CFI: variants seen among roughly 807,000 people sequenced by gnomAD.
CFI encodes the protein C3B/C4B inactivator.
Under a neutral mutation model 78.8 loss-of-function variants are expected in CFI, and 66 were observed. The observed-to-expected ratio is 0.84, with a 90% CI of 0.69 to 1.03. CFI has a LOEUF of 1.03. Among genes scored for constraint, CFI ranks in the 50% least tolerant of loss-of-function variants. The pLI, the probability that CFI is intolerant of heterozygous loss-of-function variation, is 0.00. For missense variants in CFI, 706 were observed against 704.5 expected (o/e 1.00, Z -0.02); for synonymous variants, 250 against 232.6 (o/e 1.07, Z -0.68).
chr4:109,766,874 G>C (rs1371555570), intron 1 of CFI, 50 bp from the exon 2 acceptor site: 2 of 1,583,890 alleles, frequency 1.3e-6, no homozygotes, highest in Non-Finnish European at 1.7e-6. Context: ...AAAGACTCCT[G>C]TTTGAAGATG....
At chr4:109,790,380 C>T (rs1459328596) in intron 1 of CFI, among the ~76,000 whole-genome samples, 1 of 151,964 alleles carries the variant, frequency 6.6e-6, no homozygotes, top group African/African-American at 2.4e-5. Context: ...AGAAGATATG[C>T]TTCTTAAGTT....
At chr4:109,759,629 G>A (rs1726773198) in intron 6 of CFI, among the ~76,000 whole-genome samples, 1 of 152,160 alleles carries the variant, frequency 6.6e-6, no homozygotes, top group Non-Finnish European at 1.5e-5. Context: ...CAGGCCAGGT[G>A]TGGTGGCTTA....
chr4:109,738,705 A>G (rs113743146), downstream of CFI, among the ~76,000 whole-genome samples: 205 of 152,206 alleles, frequency 1.3e-3, no homozygotes, highest in Middle Eastern at 3.4e-3. Context: ...CTGCCATGTT[A>G]AGAGCCCATG....
Position 109,750,154 on chromosome 4 carries a change from G to C in CFI, c.941-552C>G, listed in dbSNP as rs189137478. 5.9e-5 allele frequency among the ~76,000 whole-genome samples: 9 copies of C among 151,600 alleles called. No individual in the cohort carries two copies. In the East Asian group the frequency reaches 1.4e-3, roughly 23 times the overall value. ...TGGGATTACAGGCGCCCACCCCCAC[G>C]CCCAGCTAATTTTTGTTTTTTTAGT... On this transcript the variant is annotated intron_variant, in intron 8 of 12. Coordinates refer to ENST00000394634, the MANE Select transcript of CFI (RefSeq NM_000204.5).
At chr4:109,774,415 G>A (rs1439490593) in intron 1 of CFI, among the ~76,000 whole-genome samples, 1 of 152,088 alleles carries the variant, frequency 6.6e-6, no homozygotes, top group Non-Finnish European at 1.5e-5. Context: ...AGCAAGCTAT[G>A]CAGCTCTCTA....
chr4:109,744,167 T>C (rs553487924), intron 11 of CFI, among the ~76,000 whole-genome samples: 1 of 152,212 alleles, frequency 6.6e-6, no homozygotes, highest in African/African-American at 2.4e-5. Context: ...GTTTGGATCT[T>C]GATTCAAATA....
intron 1 of CFI, among the ~76,000 whole-genome samples, chr4:109,783,220 C>G (rs1461465499): frequency 2.0e-5 from 3 of 152,092 alleles, no homozygotes; most frequent in Non-Finnish European, 4.4e-5. Context: ...GCAAAAGGAA[C>G]AGTCAGCAGA....
rs4260544 is a variant in CFI, at chr4:109,776,853, T to C, written c.58-10029A>G. Among the ~76,000 whole-genome samples, 1,427 of 152,324 alleles carry C rather than the reference T, an allele frequency of 9.4e-3. 64 individuals carry two copies. In the East Asian group the frequency reaches 0.13, roughly 13 times the overall value. On this transcript the variant is annotated intron_variant, in intron 1 of 12. Transcript: ENST00000394634. ...AAAGAAAAGAATTTTCAACCCAGAATTTCATATCAAGACAAACTAAGCTTC... is the reference window on the plus strand; with the variant it reads ...AAAGAAAAGAATTTTCAACCCAGAACTTCATATCAAGACAAACTAAGCTTC...
chr4:109,760,507 C>G lies in CFI; in HGVS notation c.772+16G>C, dbSNP rs759244323. On this transcript the variant is annotated intron_variant, in intron 5 of 12. Coordinates refer to ENST00000394634, the MANE Select transcript of CFI (RefSeq NM_000204.5). ...AAAATGAATTTAGAGGATTTAGAGG[C>G]TAGATTTATGTCTACCTTTACAACA... 4.0e-6 allele frequency: 6 copies of G among 1,511,364 alleles called. No individual in the cohort carries two copies. The highest frequency in any genetic ancestry group is 1.7e-5 in the Admixed American group (1 of 59,884). The allele number at this position is 1,511,364 out of a possible 1,614,324, so 93.6% of individuals were successfully genotyped here. A position where few individuals can be genotyped will look rare whatever the true frequency, so the allele number is the denominator to read the frequency against.
intron 11 of CFI, among the ~76,000 whole-genome samples, chr4:109,744,121 A>G (rs1724139365): frequency 1.3e-5 from 2 of 152,234 alleles, no homozygotes; most frequent in African/African-American, 2.4e-5. Flanking sequence ...TAAAACATTT[A>G]AGAAAAATAA....
In CFI at chr4:109,740,993, C is replaced by T; in HGVS notation, c.1652G>A (p.Gly551Glu). ...WGVVSWGENC[G>E]KPEFPGVYTK... ...GTAAACACCTGGGAACTCTGGTTTT[C>T]CACAGTTTTCCCCCCAACTCACAAC... Residue 551 changes from glycine (G) to glutamate (E), a missense_variant, in exon 13 of 13, where the codon GGA becomes GAA. Physicochemically the swap from Gly to Glu is moderately conservative, Grantham distance 98. Coordinates refer to ENST00000394634, the MANE Select transcript of CFI (RefSeq NM_000204.5). 1 of 1,614,168 alleles carries T rather than the reference C, an allele frequency of 6.2e-7. No individual in the cohort carries two copies. The highest frequency in any genetic ancestry group is 1.1e-5 in the South Asian group (1 of 91,088).
At chr4:109,765,773 C>A (rs1403534330) in intron 2 of CFI, among the ~76,000 whole-genome samples, 4 of 134,838 alleles carry the variant, frequency 3.0e-5, no homozygotes, top group African/African-American at 1.2e-4. Context: ...TATTTAGGAA[C>A]AATGGGGTCA....
chr4:109,765,221 TC>T (rs1362815361), intron 2 of CFI, among the ~76,000 whole-genome samples: 1 of 152,218 alleles, frequency 6.6e-6, no homozygotes, highest in Non-Finnish European at 1.5e-5. Flanking sequence ...GCTTTTCCCC[TC>T]CTTTTCCACA....
At chr4:109,760,497 G>T (rs1579216624) in intron 5 of CFI, 26 bp downstream of exon 5, 4 of 1,489,676 alleles carry the variant, frequency 2.7e-6, no homozygotes, top group Non-Finnish European at 3.8e-6. Flanking sequence ...GAATTTAGAG[G>T]ATTTAGAGGC....
At chr4:109,756,895 AAG>A (rs1491134950) in intron 7 of CFI, among the ~76,000 whole-genome samples, 2 of 24,676 alleles carry the variant, frequency 8.1e-5, no homozygotes, top group South Asian at 2.4e-3. Context: ...AAAGGAAAGA[AAG>A]AAAGAAAGAA....
intron 1 of CFI, among the ~76,000 whole-genome samples, chr4:109,796,995 T>C (rs1450815085): frequency 6.6e-6 from 1 of 152,230 alleles, no homozygotes; most frequent in Non-Finnish European, 1.5e-5. Flanking sequence ...ATGTTTATAC[T>C]ATTACAAATA....
chr4:109,751,941 G>A (rs1725193658), intron 8 of CFI, among the ~76,000 whole-genome samples: 2 of 152,144 alleles, frequency 1.3e-5, no homozygotes, highest in African/African-American at 4.8e-5. Context: ...TTTAACGTAA[G>A]TCTGTCTGAC....
chr4:109,756,463 G>A lies in CFI; in HGVS notation c.904+1300C>T, dbSNP rs962364415. Among the ~76,000 whole-genome samples the A allele has an allele frequency of 4.0e-5, 6 of 151,570 alleles. No individual in the cohort carries two copies. The South Asian group carries it at 1.3e-3, about 32-fold the overall frequency. ...AGAAGGAGGAGGAGGAGGAAGAGGA[G>A]GAGGAGGAACAGCAGCTTCAGAGGG... On this transcript the variant is annotated intron_variant, in intron 7 of 12. Coordinates refer to ENST00000394634, the MANE Select transcript of CFI (RefSeq NM_000204.5).
chr4:109,746,553 A>G, intron 10 of CFI, 51 bp from the exon 11 acceptor site: 1 of 1,395,172 alleles, frequency 7.2e-7, no homozygotes, highest in Middle Eastern at 2.5e-4. Context: ...AAATATAAAT[A>G]GGAATTCTGA....
Sources: allele counts gnomAD v4.1 joint callset (sites outside exome capture counted in the v4.1 genomes callset), GRCh38; gene constraint gnomAD v4.1.1; transcripts MANE v1.5; gene names NCBI Gene and HGNC (gene_info 2026-07-23, HGNC 2026-07-21).